Variants in ADRA1B observed in about 807,000 individuals in gnomAD.
The protein encoded by ADRA1B is adrenoceptor alpha 1B.
ADRA1B carries 17 observed loss-of-function variants against 17.9 expected under a neutral mutation model. That is an observed-to-expected ratio of 0.95 (90% CI 0.65 to 1.42). ADRA1B has a LOEUF of 1.42. ADRA1B is among the 40% of genes most tolerant of loss of function. The pLI, the probability that ADRA1B is intolerant of heterozygous loss-of-function variation, is 0.00. For missense variants in ADRA1B, 681 were observed against 722.1 expected, an observed-to-expected ratio of 0.94 and a Z score of 0.65; for synonymous variants, 366 against 327.6, an observed-to-expected ratio of 1.12 and a Z score of -1.27.
intron 1 of ADRA1B, among the ~76,000 whole-genome samples, chr5:159,943,910 TCTCA>T (rs1169086087): frequency 2.9e-5 from 4 of 136,666 alleles, no homozygotes; most frequent in East Asian, 4.9e-4. Flanking sequence ...TCTCTGTCTC[TCTCA>T]CACACACACA....
intron 1 of ADRA1B, chr5:159,950,358 CA>C: frequency 1.7e-6 from 1 of 581,708 alleles, no homozygotes; most frequent in Admixed American, 2.7e-5. Flanking sequence ...CCTCCCTCTT[CA>C]GGGGGTCTGT....
At chr5:159,895,200 C>G (rs1754029218) in intron 1 of ADRA1B, among the ~76,000 whole-genome samples, 1 of 152,204 alleles carries the variant, frequency 6.6e-6, no homozygotes. Context: ...TGATGCTCTT[C>G]CTCTCACAAG....
chr5:159,865,633 T>A (rs554224148), intron 1 of ADRA1B, among the ~76,000 whole-genome samples: 122 of 152,346 alleles, frequency 8.0e-4, no homozygotes, highest in African/African-American at 2.8e-3. Context: ...AGTAGCGGCA[T>A]TTTTGGAAAT....
intron 1 of ADRA1B, among the ~76,000 whole-genome samples, chr5:159,953,277 T>C (rs976987115): frequency 6.6e-6 from 1 of 152,102 alleles, no homozygotes; most frequent in East Asian, 1.9e-4. Context: ...GGAGAATCAC[T>C]TGAACCTGGG....
intron 1 of ADRA1B, among the ~76,000 whole-genome samples, chr5:159,962,246 C>T (rs1041947835): frequency 2.6e-5 from 4 of 151,978 alleles, no homozygotes; most frequent in African/African-American, 4.8e-5. Context: ...CATTTATGCC[C>T]CACAGTAAGG....
intron 1 of ADRA1B, among the ~76,000 whole-genome samples, chr5:159,969,049 C>A (rs905225676): frequency 3.9e-5 from 6 of 152,202 alleles, no homozygotes; most frequent in Non-Finnish European, 8.8e-5. Context: ...GCCTTCTGTA[C>A]AGAGTCTTAA....
At chr5:159,961,645 G>T (rs1037043979) in intron 1 of ADRA1B, among the ~76,000 whole-genome samples, 6 of 152,178 alleles carry the variant, frequency 3.9e-5, no homozygotes, top group Admixed American at 6.5e-5. Context: ...CCTAATAAGA[G>T]CCACACTGCA....
chr5:159,960,708 TAA>T (rs71579107), intron 1 of ADRA1B, among the ~76,000 whole-genome samples: 3,160 of 118,858 alleles, frequency 0.027, 63 homozygotes, highest in East Asian at 0.13. Flanking sequence ...CCCCAGCTCT[TAA>T]AAAAAAAAAA....
At chr5:159,930,965 T>C (rs1754786766) in intron 1 of ADRA1B, among the ~76,000 whole-genome samples, 1 of 148,286 alleles carries the variant, frequency 6.7e-6, no homozygotes, top group Admixed American at 6.8e-5. Flanking sequence ...TTAGTCATTT[T>C]CAATCTAATT....
At chr5:159,915,210 TG>T (rs889268348), upstream of ADRA1B, among the ~76,000 whole-genome samples, 2 of 152,170 alleles carry the variant, frequency 1.3e-5, no homozygotes, top group African/African-American at 2.4e-5. Context: ...TACCCAACTT[TG>T]GGAGAGACCC....
At chr5:159,867,887 T>C (rs1397466118) in intron 1 of ADRA1B, 4 of 152,186 alleles carry the variant, frequency 2.6e-5, no homozygotes, top group African/African-American at 9.7e-5. Context: ...ACCGCAGGCT[T>C]TCTTCACCAC....
intron 1 of ADRA1B, among the ~76,000 whole-genome samples, chr5:159,942,817 G>C (rs1416357745): frequency 6.6e-6 from 1 of 152,220 alleles, no homozygotes; most frequent in African/African-American, 2.4e-5. Flanking sequence ...GATGAAAATA[G>C]TTCCCCATAA....
chr5:159,972,526 G>A lies in ADRA1B; in HGVS notation c.*34G>A, dbSNP rs796241669. 1.3e-4 allele frequency: 44 copies of A among 345,296 alleles called. No homozygotes were observed. The African/African-American group carries it at 1.5e-3, about 12-fold the overall frequency. 21.4% of individuals were successfully genotyped at this position (345,296 alleles called of 1,614,324 possible). A position where few individuals can be genotyped will look rare whatever the true frequency, so the allele number is the denominator to read the frequency against. ...TGCGCAGCTTTCTTTCCCTGGGGAGGAAAACATCGTGGGGGGGAGGGGAGG... is the reference window on the plus strand; with the variant it reads ...TGCGCAGCTTTCTTTCCCTGGGGAGAAAAACATCGTGGGGGGGAGGGGAGG... On this transcript the variant is annotated 3_prime_UTR_variant, in exon 2 of 2. Coordinates refer to ENST00000306675, the MANE Select transcript of ADRA1B (RefSeq NM_000679.4).
intron 1 of ADRA1B, among the ~76,000 whole-genome samples, chr5:159,959,807 G>A (rs564010630): frequency 0.014 from 1,797 of 132,962 alleles, 20 homozygotes; most frequent in Non-Finnish European, 0.018. Flanking sequence ...TTTTAAAAAT[G>A]TAAAAAAAAA....
chr5:159,879,471 A>G (rs1333687411), intron 1 of ADRA1B, among the ~76,000 whole-genome samples: 1 of 152,152 alleles, frequency 6.6e-6, no homozygotes, highest in African/African-American at 2.4e-5. Flanking sequence ...AGGACTATAA[A>G]TAAAGATTCC....
chr5:159,958,876 A>G (rs1365306479), intron 1 of ADRA1B, among the ~76,000 whole-genome samples: 2 of 152,234 alleles, frequency 1.3e-5, no homozygotes, highest in Non-Finnish European at 2.9e-5. Context: ...ACTATTTCCA[A>G]TGAGGTCAAA....
chr5:159,877,796 C>T (rs1342377723), intron 1 of ADRA1B, among the ~76,000 whole-genome samples: 1 of 152,152 alleles, frequency 6.6e-6, no homozygotes, highest in Non-Finnish European at 1.5e-5. Context: ...AGTTCACAAA[C>T]GACAGAGGCA....
chr5:159,929,248 CAAAT>C (rs939774584), intron 1 of ADRA1B, among the ~76,000 whole-genome samples: 2 of 152,020 alleles, frequency 1.3e-5, no homozygotes, highest in Admixed American at 6.6e-5. Flanking sequence ...AGCAGCAAGT[CAAAT>C]AAATAACTAC....
intron 1 of ADRA1B, chr5:159,951,100 G>A: frequency 2.7e-6 from 2 of 738,924 alleles, no homozygotes; most frequent in South Asian, 2.7e-5. Flanking sequence ...TGTGGTTCAT[G>A]CCCATCACGA....
Sources: gnomAD v4.1 joint callset for allele counts (sites outside exome capture counted in the v4.1 genomes callset) on GRCh38, gnomAD v4.1.1 for gene constraint, MANE v1.5 for transcripts, NCBI Gene and HGNC (gene_info 2026-07-23, HGNC 2026-07-21) for gene names.